MEF2C: variants seen among roughly 807,000 people sequenced by gnomAD.
MEF2C encodes myocyte-specific enhancer factor 2C.
Under a neutral mutation model 50.5 loss-of-function variants are expected in MEF2C, and 6 were observed. The ratio of observed to expected loss-of-function variants is 0.12; its 90% CI spans 0.07 to 0.23. The LOEUF (loss-of-function observed/expected upper bound fraction) is 0.23, where lower values mean the gene tolerates loss of function less well. Ranked by LOEUF, MEF2C falls within the 10% of genes least tolerant of loss-of-function variation. The pLI, the probability that MEF2C is intolerant of heterozygous loss-of-function variation, is 1.00. For synonymous variants in MEF2C, 183 were observed against 228.0 expected, an observed-to-expected ratio of 0.80 and a Z score of 1.78; for missense variants, 276 against 605.0, an observed-to-expected ratio of 0.46 and a Z score of 5.70.
At chr5:88,797,775 G>A (rs1796637750) in intron 3 of MEF2C, among the ~76,000 whole-genome samples, 1 of 152,092 alleles carries the variant, frequency 6.6e-6, no homozygotes, top group African/African-American at 2.4e-5. Context: ...TTTTGCAGTG[G>A]CTGTTACCAG....
chr5:88,746,216 A>G (rs185787732), intron 6 of MEF2C, among the ~76,000 whole-genome samples: 1 of 152,342 alleles, frequency 6.6e-6, no homozygotes, highest in Non-Finnish European at 1.5e-5. Context: ...CTGAAGCAGG[A>G]TGCAATATAA....
At chr5:88,749,847 G>A (rs1771785270) in intron 5 of MEF2C, among the ~76,000 whole-genome samples, 4 of 152,038 alleles carry the variant, frequency 2.6e-5, no homozygotes, top group South Asian at 2.1e-4. Flanking sequence ...TGGCTAACAC[G>A]GTGAAACCCT....
chr5:88,734,544 C>T lies in MEF2C; in HGVS notation c.638-2643G>A, dbSNP rs1763045356. On this transcript the variant is annotated intron_variant, in intron 6 of 10. Coordinates refer to ENST00000504921, the MANE Select transcript of MEF2C (RefSeq NM_002397.5). ...AGTGTGCGAAAATGGAAATGCTTCA[C>T]GGAGGCCTTGAGAAAAGTTTGTTTT... 1.4e-5 allele frequency: 13 copies of T among 899,596 alleles called. No homozygotes were observed. The Admixed American group carries it at 6.0e-4, about 41-fold the overall frequency. 55.7% of individuals were successfully genotyped at this position (899,596 alleles called of 1,614,324 possible). A position where few individuals can be genotyped will look rare whatever the true frequency, so the allele number is the denominator to read the frequency against.
rs141828127 is a variant in MEF2C, at chr5:88,740,846, T to C, written c.637+8224A>G. 1.1e-5 allele frequency: 11 copies of C among 985,406 alleles called. No individual in the cohort carries two copies. The East Asian group carries it at 1.2e-3, about 112-fold the overall frequency. The allele number at this position is 985,406 out of a possible 1,614,324, so 61.0% of individuals were successfully genotyped here. ...ATTTAATTGTTCACTTCTTGAGATT[T>C]TGGGGCTGTCTCTTTGCTAAAAATG... On this transcript the variant is annotated intron_variant, in intron 6 of 10. Transcript: ENST00000504921.
At chr5:88,800,144 G>T (rs1435673528) in intron 3 of MEF2C, among the ~76,000 whole-genome samples, 1 of 152,140 alleles carries the variant, frequency 6.6e-6, no homozygotes, top group Non-Finnish European at 1.5e-5. Context: ...GGGGATGAGA[G>T]ATTCCTTCCT....
chr5:88,821,139 T>G (rs747036327), intron 2 of MEF2C, among the ~76,000 whole-genome samples: 26 of 151,996 alleles, frequency 1.7e-4, no homozygotes, highest in Non-Finnish European at 3.2e-4. Flanking sequence ...ATAAGTTTTC[T>G]TCTTCTAAAG....
intron 1 of MEF2C, among the ~76,000 whole-genome samples, chr5:88,879,554 GTA>G (rs1435743712): frequency 6.6e-6 from 1 of 151,976 alleles, no homozygotes; most frequent in African/African-American, 2.4e-5. Flanking sequence ...TAACATGAGT[GTA>G]TGTTTTATTT....
intron 3 of MEF2C, among the ~76,000 whole-genome samples, chr5:88,776,235 A>G (rs1038576476): frequency 1.3e-5 from 2 of 152,152 alleles, no homozygotes; most frequent in African/African-American, 2.4e-5. Context: ...TTGACAAACA[A>G]TACTTGTATA....
chr5:88,718,236 C>T lies in MEF2C; in HGVS notation c.*4368G>A, dbSNP rs924911008. On this transcript the variant is annotated 3_prime_UTR_variant, in exon 11 of 11. Transcript: ENST00000504921. ...AATTTAAAAAAATGCACCACGGACA[C>T]TGCATCACTAAGAAAGCCAGTAACT... 1.3e-5 allele frequency: 2 copies of T among 152,222 alleles called. No homozygotes were observed. Among genetic ancestry groups the T allele is most frequent in the African/African-American group, 4.8e-5 (2 of 41,468 alleles). The allele number at this position is 152,222 out of a possible 1,614,324, so 9.4% of individuals were successfully genotyped here.
intron 1 of MEF2C, among the ~76,000 whole-genome samples, chr5:88,830,903 T>C (rs1408751872): frequency 6.6e-6 from 1 of 152,106 alleles, no homozygotes; most frequent in African/African-American, 2.4e-5. Flanking sequence ...AGCTGGATTT[T>C]TGTTGCTGTT....
chr5:88,751,318 A>G lies in MEF2C; in HGVS notation c.589+539T>C, dbSNP rs985393913. ...ATGTGTTTAATTAACTTCATTTCTG[A>G]TTCAGCTTTGTTTTTATTTCACATG... is the stretch of plus-strand genomic sequence containing the variant. On this transcript the variant is annotated intron_variant, in intron 5 of 10. Coordinates refer to ENST00000504921, the MANE Select transcript of MEF2C (RefSeq NM_002397.5). 6.4e-5 allele frequency: 63 copies of G among 985,310 alleles called. No homozygotes were observed. In the African/African-American group the frequency reaches 1.0e-3, roughly 16 times the overall value. 61.0% of individuals were successfully genotyped at this position (985,310 alleles called of 1,614,324 possible).
chr5:88,880,328 T>G (rs540809072), intron 1 of MEF2C, among the ~76,000 whole-genome samples: 1 of 152,296 alleles, frequency 6.6e-6, no homozygotes, highest in East Asian at 1.9e-4. Flanking sequence ...TATTAAATTC[T>G]TCTATGTTGC....
At chr5:88,749,407 C>T (rs1771537231) in intron 5 of MEF2C, 1 of 985,044 alleles carries the variant, frequency 1.0e-6, no homozygotes, top group Non-Finnish European at 1.2e-6. Flanking sequence ...TAGGTTTTCC[C>T]TAAGCAGATG....
At position 88,883,019 on chromosome 5, in the gene MEF2C, G is replaced by C. The variant is rs200560914; in HGVS notation, c.-207C>G. 2 of 147,766 alleles carry C rather than the reference G, an allele frequency of 1.4e-5. No homozygotes were observed. Among genetic ancestry groups the C allele is most frequent in the Admixed American group, 6.8e-5 (1 of 14,808 alleles). The allele number at this position is 147,766 out of a possible 1,614,324, so 9.2% of individuals were successfully genotyped here. On this transcript the variant is annotated 5_prime_UTR_variant, in exon 1 of 11. Transcript: ENST00000504921. The stretch of plus-strand genomic sequence containing the variant: ...TCCTTTCTTAAGAGAGAGAGAGAGA[G>C]AAAAAAAAAATAACAACAATAATCT...
chr5:88,845,051 G>T (rs1464027050), intron 1 of MEF2C, among the ~76,000 whole-genome samples: 1 of 152,168 alleles, frequency 6.6e-6, no homozygotes, highest in African/African-American at 2.4e-5. Flanking sequence ...TTGATTGTAA[G>T]CAACTTTTTA....
At chr5:88,865,793 G>A (rs1252272590) in intron 1 of MEF2C, among the ~76,000 whole-genome samples, 4 of 152,158 alleles carry the variant, frequency 2.6e-5, no homozygotes, top group African/African-American at 7.2e-5. Context: ...AAACTTCCCC[G>A]CCAGTGGGCA....
intron 1 of MEF2C, among the ~76,000 whole-genome samples, chr5:88,873,947 A>G (rs1290619307): frequency 6.6e-6 from 1 of 151,952 alleles, no homozygotes; most frequent in Non-Finnish European, 1.5e-5. Context: ...CTGGATTTAT[A>G]TAGTACCTTT....
rs559806678 is a variant in MEF2C, at chr5:88,832,173, G to T, written c.-142-8243C>A. Among the ~76,000 whole-genome samples, 131 of 152,154 alleles carry T rather than the reference G, an allele frequency of 8.6e-4. 1 individual carries two copies. The highest frequency in any genetic ancestry group is 4.1e-3 in the East Asian group (21 of 5,166). ...CAGCTGCAGAGGTACTAGCGAAAAA[G>T]AATCTTTACATTTATTTACTCATCC... is the stretch of plus-strand genomic sequence containing the variant. On this transcript the variant is annotated intron_variant, in intron 1 of 10. Coordinates refer to ENST00000504921, the MANE Select transcript of MEF2C (RefSeq NM_002397.5).
chr5:88,738,723 G>A, intron 6 of MEF2C: 1 of 985,320 alleles, frequency 1.0e-6, no homozygotes, highest in Admixed American at 6.1e-5. Context: ...GACAGTCAAG[G>A]TTGTCCTAAG....
Sources: allele counts gnomAD v4.1 joint callset (sites outside exome capture counted in the v4.1 genomes callset), GRCh38; gene constraint gnomAD v4.1.1; transcripts MANE v1.5; gene names NCBI Gene and HGNC (gene_info 2026-07-23, HGNC 2026-07-21).